Variants in ERMN observed in about 807,000 individuals in gnomAD.
ERMN encodes the protein ermin, ERM-like protein.
ERMN carries 17 observed loss-of-function variants against 21.4 expected under a neutral mutation model. The observed-to-expected ratio is 0.80, with a 90% CI of 0.54 to 1.19. ERMN has a LOEUF of 1.19. ERMN is among the 50% of genes most tolerant of loss of function. The pLI, the probability that ERMN is intolerant of heterozygous loss-of-function variation, is 0.00. For synonymous variants in ERMN, 115 were observed against 111.9 expected, an observed-to-expected ratio of 1.03 and a Z score of -0.17; for missense variants, 348 against 331.6, an observed-to-expected ratio of 1.05 and a Z score of -0.38.
chr2:157,321,696 C>A lies in ERMN; in HGVS notation c.430G>T (p.Asp144Tyr), dbSNP rs775296669. The part of the protein sequence containing the change: ...ITEQPLKEEE[D>Y]EDRKNKGHQA... ...TGACCTTTGTTCTTCCTGTCCTCAT[C>A]TTCTTCCTCTTTGAGAGGCTGCTCA... Residue 144 changes from aspartate to tyrosine, a missense_variant, in exon 3 of 3, where the codon GAT becomes TAT. Coordinates refer to ENST00000410096, the MANE Select transcript of ERMN (RefSeq NM_020711.3). 25 of 1,613,920 alleles carry A rather than the reference C, an allele frequency of 1.5e-5. No individual in the cohort carries two copies. The South Asian group carries it at 2.4e-4, about 16-fold the overall frequency.
In ERMN at chr2:157,321,633, G is replaced by C. The variant is rs1308206502; in HGVS notation, c.493C>G (p.Pro165Ala). The C allele has an allele frequency of 6.2e-7, 1 of 1,614,004 alleles. No homozygotes were observed. The highest frequency in any genetic ancestry group is 1.3e-5 in the African/African-American group (1 of 74,976). ...GAATGTAACATGTCAGCTTGGCTAG[G>C]TTTTCGAAATCCCAGCCATTCAATT... Reference protein sequence around the residue: ...AEIEWLGFRKPSQADMLHSKH... With the variant: ...AEIEWLGFRKASQADMLHSKH... The change falls in exon 3 of 3, where the codon CCT (proline) becomes GCT (alanine). Residue 165 changes from proline (P) to alanine (A), a missense_variant. Physicochemically the swap from Pro to Ala is conservative, Grantham distance 27. Transcript: ENST00000410096.
At chr2:157,326,284 T>G (rs1684066269), upstream of ERMN, among the ~76,000 whole-genome samples, 1 of 152,248 alleles carries the variant, frequency 6.6e-6, no homozygotes, top group African/African-American at 2.4e-5. Context: ...ACAACTTTAC[T>G]GTAAATGGTT....
rs1448898712 is a variant in ERMN at position 157,324,754 on chromosome 2, C to G, written c.250G>C (p.Glu84Gln). Residue 84 changes from glutamate to glutamine, a missense_variant, in exon 2 of 3, where the codon GAA becomes CAA. Coordinates refer to ENST00000410096, the MANE Select transcript of ERMN (RefSeq NM_020711.3). ...TTATGAACAATAAAGAGTTTCTCTTCTGGGTTTTCTAGGAAAAAAATATAA... is the reference window on the plus strand; with the variant it reads ...TTATGAACAATAAAGAGTTTCTCTTGTGGGTTTTCTAGGAAAAAAATATAA... ...MEDKMLKENP[E>Q]EKLFIVHKAI... 1.9e-6 allele frequency: 3 copies of G among 1,605,622 alleles called. No individual in the cohort carries two copies. The highest frequency in any genetic ancestry group is 4.5e-5 in the East Asian group (2 of 44,656).
At chr2:157,326,863 C>T (rs1043962237), upstream of ERMN, among the ~76,000 whole-genome samples, 1 of 152,012 alleles carries the variant, frequency 6.6e-6, no homozygotes, top group Non-Finnish European at 1.5e-5. Flanking sequence ...TTGTCTTTGC[C>T]CTTCAGAGTA....
At chr2:157,325,166 T>C (rs533601458) in intron 1 of ERMN, 69 of 658,302 alleles carry the variant, frequency 1.0e-4, no homozygotes, top group Non-Finnish European at 2.9e-6. Context: ...TTCCGCCTTC[T>C]TCTAGTGAAA....
chr2:157,321,498 G>T lies in ERMN; in HGVS notation c.628C>A (p.His210Asn). The change falls in exon 3 of 3, where the codon CAT becomes AAT. Residue 210 changes from histidine to asparagine, a missense_variant. Physicochemically the swap from His to Asn is moderately conservative, Grantham distance 68. Transcript: ENST00000410096. ...TCTTTAAATTGAGAAACCTCTTCATGTTTTTTCTTAAATTCTATCACTCGA... is the reference window on the plus strand; with the variant it reads ...TCTTTAAATTGAGAAACCTCTTCATTTTTTTTCTTAAATTCTATCACTCGA... ...EVRVIEFKKKHEEVSQFKEEG... is the reference protein window; with the variant it reads ...EVRVIEFKKKNEEVSQFKEEG... The T allele has an allele frequency of 5.6e-6, 9 of 1,613,984 alleles. No individual in the cohort carries two copies. The highest frequency in any genetic ancestry group is 1.7e-5 in the Admixed American group (1 of 59,998).
At chr2:157,326,518 A>C (rs902622276), upstream of ERMN, among the ~76,000 whole-genome samples, 6 of 152,368 alleles carry the variant, frequency 3.9e-5, no homozygotes, top group African/African-American at 1.4e-4. Context: ...AATCAGAATT[A>C]CAATCCTTTC....
upstream of ERMN, chr2:157,325,875 A>C (rs1684058261): frequency 7.2e-7 from 1 of 1,398,410 alleles, no homozygotes; most frequent in African/African-American, 1.4e-5. Context: ...ATGAGCAAGA[A>C]TCCAGCCAAT....
At chr2:157,324,197 T>C in intron 2 of ERMN, 1 of 252,748 alleles carries the variant, frequency 4.0e-6, no homozygotes, top group Admixed American at 5.4e-5. Context: ...GCTTGAACCC[T>C]GGAGACAGAG....
intron 1 of ERMN, 65 bp from the exon 2 acceptor site, chr2:157,324,827 G>A (rs574051471): frequency 2.6e-6 from 3 of 1,168,736 alleles, no homozygotes; most frequent in South Asian, 1.5e-5. Flanking sequence ...CAGTTAATAA[G>A]TTATCAATTT....
chr2:157,324,686 T>C lies in ERMN; in HGVS notation c.318A>G (p.Glu106=), dbSNP rs770665291. The part of the protein sequence containing the change: ...DLSLQETSAD[E]MTFREGHQWE... The stretch of plus-strand genomic sequence containing the variant: ...TCTTGTTACCTTCTCTGAATGTCAT[T>C]TCATCAGCACTAGTTTCTTGGAGAG... Residue 106 remains glutamate, a synonymous_variant, in exon 2 of 3, where the codon GAA becomes GAG. Coordinates refer to ENST00000410096, the MANE Select transcript of ERMN (RefSeq NM_020711.3). 6.2e-7 allele frequency: 1 copy of C among 1,612,868 alleles called. No homozygotes were observed. Among genetic ancestry groups the C allele is most frequent in the African/African-American group, 1.3e-5 (1 of 75,002 alleles).
chr2:157,325,314 A>G (rs546028385), intron 1 of ERMN, 88 bp downstream of exon 1: 3 of 1,565,518 alleles, frequency 1.9e-6, no homozygotes, highest in South Asian at 2.3e-5. Context: ...TGGGGTGTCC[A>G]GCTCATTTCG....
In ERMN at chr2:157,318,774, C is replaced by T. The variant is rs1328953272; in HGVS notation, c.*2497G>A. ...ATTTTATATTGGCAGAGAAATAGAG[C>T]TATTATTAGTTTCTATTTATCTAGC... On this transcript the variant is annotated 3_prime_UTR_variant, in exon 3 of 3. Transcript: ENST00000410096. The T allele has an allele frequency of 6.6e-6, 1 of 151,988 alleles. No homozygotes were observed. The highest frequency in any genetic ancestry group is 1.5e-5 in the Non-Finnish European group (1 of 67,994). 9.4% of individuals were successfully genotyped at this position (151,988 alleles called of 1,614,324 possible).
chr2:157,318,966 C>G lies in ERMN; in HGVS notation c.*2305G>C, dbSNP rs927964639. 1 of 152,054 alleles carries G rather than the reference C, an allele frequency of 6.6e-6. No individual in the cohort carries two copies. Among genetic ancestry groups the G allele is most frequent in the African/African-American group, 2.4e-5 (1 of 41,394 alleles). The allele number at this position is 152,054 out of a possible 1,614,324, so 9.4% of individuals were successfully genotyped here. A position where few individuals can be genotyped will look rare whatever the true frequency, so the allele number is the denominator to read the frequency against. On this transcript the variant is annotated 3_prime_UTR_variant, in exon 3 of 3. Transcript: ENST00000410096. ...CAGTTTGTGTTCTTAATCATGTTCC[C>G]CCTGAGTTTCAAATATGTTAAAAAT...
In ERMN at chr2:157,320,191, A is replaced by G. The variant is rs1249974688; in HGVS notation, c.*1080T>C. On this transcript the variant is annotated 3_prime_UTR_variant, in exon 3 of 3. Coordinates refer to ENST00000410096, the MANE Select transcript of ERMN (RefSeq NM_020711.3). The stretch of plus-strand genomic sequence containing the variant: ...TTGGTTTGAGTGAAGCTCCACAAGT[A>G]CAATTTTAAGCATCTTGATTTGGGC... 2 of 152,642 alleles carry G rather than the reference A, an allele frequency of 1.3e-5. No homozygotes were observed. The highest frequency in any genetic ancestry group is 1.9e-4 in the East Asian group (1 of 5,204). 9.5% of individuals were successfully genotyped at this position (152,642 alleles called of 1,614,324 possible).
rs1683794439 is a variant in ERMN at position 157,318,987 on chromosome 2, A to G, written c.*2284T>C. ...TTCCCCCTGAGTTTCAAATATGTTA[A>G]AAATCCCCCATGCAATCTGAATCAG... On this transcript the variant is annotated 3_prime_UTR_variant, in exon 3 of 3. Transcript: ENST00000410096. The G allele has an allele frequency of 6.6e-6, 1 of 152,140 alleles. No homozygotes were observed. Among genetic ancestry groups the G allele is most frequent in the African/African-American group, 2.4e-5 (1 of 41,436 alleles). 9.4% of individuals were successfully genotyped at this position (152,140 alleles called of 1,614,324 possible).
At chr2:157,324,883 T>G (rs764136343) in intron 1 of ERMN, 121 bp from the exon 2 acceptor site, 1 of 616,506 alleles carries the variant, frequency 1.6e-6, no homozygotes, top group Non-Finnish European at 2.6e-6. Context: ...TCATTAAAAT[T>G]TACTATTTCA....
chr2:157,319,283 C>T lies in ERMN; in HGVS notation c.*1988G>A, dbSNP rs1683809167. The T allele has an allele frequency of 6.6e-6, 1 of 152,138 alleles. No homozygotes were observed. The highest frequency in any genetic ancestry group is 2.4e-5 in the African/African-American group (1 of 41,436). The allele number at this position is 152,138 out of a possible 1,614,324, so 9.4% of individuals were successfully genotyped here. A position where few individuals can be genotyped will look rare whatever the true frequency, so the allele number is the denominator to read the frequency against. On this transcript the variant is annotated 3_prime_UTR_variant, in exon 3 of 3. Coordinates refer to ENST00000410096, the MANE Select transcript of ERMN (RefSeq NM_020711.3). The stretch of plus-strand genomic sequence containing the variant: ...TTGACTAAATCTTTCATAGTTCATT[C>T]ATTGTCTGGTGAGAGCACAGAGCTA...
rs374683748 is a variant in ERMN, at chr2:157,321,621, C to A, written c.505G>T (p.Asp169Tyr). Reference sequence around the variant, plus strand: ...TCATCATGTTTAGAATGTAACATGTCAGCTTGGCTAGGTTTTCGAAATCCC... The same window carrying A: ...TCATCATGTTTAGAATGTAACATGTAAGCTTGGCTAGGTTTTCGAAATCCC... ...WLGFRKPSQA[D>Y]MLHSKHDEEQ... Residue 169 changes from aspartate to tyrosine, a missense_variant, in exon 3 of 3, where the codon GAC (aspartate) becomes TAC (tyrosine). Transcript: ENST00000410096. 7.4e-6 allele frequency: 12 copies of A among 1,614,102 alleles called. No homozygotes were observed. The highest frequency in any genetic ancestry group is 1.0e-5 in the Non-Finnish European group (12 of 1,179,992).
Sources: allele counts gnomAD v4.1 joint callset (sites outside exome capture counted in the v4.1 genomes callset), GRCh38; gene constraint gnomAD v4.1.1; transcripts MANE v1.5; gene names NCBI Gene and HGNC (gene_info 2026-07-23, HGNC 2026-07-21).